Variants in KCNG3 observed in about 807,000 individuals in gnomAD.
The protein encoded by KCNG3 is voltage-gated potassium channel regulatory subunit KCNG3.
A neutral mutation model predicts 29.0 loss-of-function variants in KCNG3; 15 were observed. The ratio of observed to expected loss-of-function variants is 0.52; its 90% CI spans 0.35 to 0.80. KCNG3 has a LOEUF of 0.80. Ranked by LOEUF, KCNG3 falls within the 30% of genes least tolerant of loss-of-function variation. The pLI, the probability that KCNG3 is intolerant of heterozygous loss-of-function variation, is 0.01. For synonymous variants in KCNG3, 322 were observed against 248.9 expected, an observed-to-expected ratio of 1.29 and a Z score of -2.76; for missense variants, 512 against 605.7, an observed-to-expected ratio of 0.85 and a Z score of 1.62.
the KCNG3 span, among the ~76,000 whole-genome samples, chr2:42,393,615 C>T: frequency 3.3e-5 from 5 of 152,112 alleles, no homozygotes; most frequent in East Asian, 9.7e-4. Flanking sequence ...GGTACAGCAG[C>T]TTCATAGTAC....
intron 1 of KCNG3, among the ~76,000 whole-genome samples, chr2:42,449,993 G>A (rs1302115075): frequency 6.6e-6 from 1 of 152,140 alleles, no homozygotes; most frequent in African/African-American, 2.4e-5. Flanking sequence ...CCATTCTGAA[G>A]GACAAGCCTC....
chr2:42,467,884 C>T (rs1673182369), intron 1 of KCNG3, among the ~76,000 whole-genome samples: 1 of 150,354 alleles, frequency 6.7e-6, no homozygotes, highest in South Asian at 2.1e-4. Flanking sequence ...GTGGGAGGAT[C>T]ACCCGAGCCT....
chr2:42,467,495 C>G (rs1020636594), intron 1 of KCNG3, among the ~76,000 whole-genome samples: 6 of 151,404 alleles, frequency 4.0e-5, no homozygotes, highest in Non-Finnish European at 7.4e-5. Context: ...TGGTGAAAAC[C>G]CATCTCTACT....
intron 1 of KCNG3, among the ~76,000 whole-genome samples, chr2:42,478,760 C>T (rs918900356): frequency 1.3e-4 from 20 of 152,204 alleles, no homozygotes; most frequent in African/African-American, 2.2e-4. Context: ...GCAAGGGTCC[C>T]GTCTTGGTTA....
chr2:42,481,501 G>A (rs1673583813), intron 1 of KCNG3, among the ~76,000 whole-genome samples: 1 of 152,142 alleles, frequency 6.6e-6, no homozygotes, highest in African/African-American at 2.4e-5. Flanking sequence ...TCCACATGCA[G>A]ACCAAAGCGA....
At chr2:42,415,223 A>G in the KCNG3 span, among the ~76,000 whole-genome samples, 2 of 152,174 alleles carry the variant, frequency 1.3e-5, no homozygotes, top group East Asian at 1.9e-4. Flanking sequence ...CCATTCAGAT[A>G]GCATGATTCC....
chr2:42,433,015 G>C, the KCNG3 span, among the ~76,000 whole-genome samples: 18 of 150,146 alleles, frequency 1.2e-4, no homozygotes, highest in Non-Finnish European at 2.7e-4. Context: ...CAAGTAAAGG[G>C]AATCTATGGA....
At chr2:42,419,737 A>G in the KCNG3 span, among the ~76,000 whole-genome samples, 2 of 152,214 alleles carry the variant, frequency 1.3e-5, no homozygotes, top group African/African-American at 2.4e-5. Context: ...CTGGCTCTGT[A>G]GACATAACTT....
the KCNG3 span, among the ~76,000 whole-genome samples, chr2:42,392,692 T>C: frequency 1.3e-5 from 2 of 151,314 alleles, no homozygotes; most frequent in African/African-American, 4.9e-5. Flanking sequence ...TAAATATATA[T>C]GGGAAAATAG....
At chr2:42,479,491 A>G (rs1420519494) in intron 1 of KCNG3, among the ~76,000 whole-genome samples, 1 of 151,682 alleles carries the variant, frequency 6.6e-6, no homozygotes, top group Non-Finnish European at 1.5e-5. Context: ...CAAAAATTCA[A>G]CAAAATTAGC....
Position 42,449,396 on chromosome 2 carries a change from T to C in KCNG3, c.666-4817A>G, listed in dbSNP as rs1015427006. ...CACTCATTTACACATTGTCTATGGC[T>C]GTTTTCACAGCAAAGTTGAGTGGTC... On this transcript the variant is annotated intron_variant, in intron 1 of 1. Coordinates refer to ENST00000306078, the MANE Select transcript of KCNG3 (RefSeq NM_133329.6). Among the ~76,000 whole-genome samples, 10 of 152,006 alleles carry C rather than the reference T, an allele frequency of 6.6e-5. 1 individual carries two copies. Among genetic ancestry groups the C allele is most frequent in the African/African-American group, 2.4e-4 (10 of 41,388 alleles).
chr2:42,447,295 TAC>T (rs1672625002), intron 1 of KCNG3, among the ~76,000 whole-genome samples: 1 of 150,310 alleles, frequency 6.7e-6, no homozygotes, highest in South Asian at 2.2e-4. Context: ...TACAGATACA[TAC>T]ATACACACAT....
rs568838868 is a variant in KCNG3 at position 42,464,840 on chromosome 2, C to G, written c.666-20261G>C. Among the ~76,000 whole-genome samples the G allele has an allele frequency of 4.7e-4, 72 of 152,186 alleles. 1 individual carries two copies. Among genetic ancestry groups the G allele is most frequent in the African/African-American group, 1.3e-3 (53 of 41,536 alleles). On this transcript the variant is annotated intron_variant, in intron 1 of 1. Transcript: ENST00000306078. ...ATCTCTAGCAGTGCACATAGCACAA[C>G]GTGTAGTGGTTGTAAATTCAGCCGT... is the stretch of plus-strand genomic sequence containing the variant.
chr2:42,420,727 T>C, the KCNG3 span, among the ~76,000 whole-genome samples: 1 of 151,526 alleles, frequency 6.6e-6, no homozygotes, highest in Non-Finnish European at 1.5e-5. Context: ...GAGGCGGAGG[T>C]TGCAGTGAGC....
chr2:42,465,590 C>A (rs1365420491), intron 1 of KCNG3, among the ~76,000 whole-genome samples: 1 of 151,982 alleles, frequency 6.6e-6, no homozygotes, highest in Non-Finnish European at 1.5e-5. Flanking sequence ...TTACATAGGG[C>A]ACAAAAAGTA....
chr2:42,399,310 C>T, the KCNG3 span, among the ~76,000 whole-genome samples: 2 of 152,168 alleles, frequency 1.3e-5, no homozygotes, highest in Non-Finnish European at 2.9e-5. Context: ...TGCCCTGCCT[C>T]AGCCTCTCGA....
intron 1 of KCNG3, among the ~76,000 whole-genome samples, chr2:42,477,671 G>C (rs1673473674): frequency 6.6e-6 from 1 of 151,872 alleles, no homozygotes. Context: ...CTGAGGTCAG[G>C]AGTTCGAGAC....
chr2:42,477,374 C>CACACAT (rs1673456848), intron 1 of KCNG3, among the ~76,000 whole-genome samples: 1 of 57,428 alleles, frequency 1.7e-5, no homozygotes, highest in African/African-American at 8.2e-5. Flanking sequence ...CATATATATA[C>CACACAT]ACACACATAT....
chr2:42,403,341 C>G, the KCNG3 span, among the ~76,000 whole-genome samples: 2 of 152,134 alleles, frequency 1.3e-5, no homozygotes, highest in African/African-American at 2.4e-5. Flanking sequence ...CGAGATTTCG[C>G]CATGTTGTCC....
Sources: gnomAD v4.1 joint callset for allele counts (sites outside exome capture counted in the v4.1 genomes callset) on GRCh38, gnomAD v4.1.1 for gene constraint, MANE v1.5 for transcripts, NCBI Gene and HGNC (gene_info 2026-07-23, HGNC 2026-07-21) for gene names.